Variants in PTPN9 observed in about 807,000 individuals in gnomAD.
The protein encoded by PTPN9 is tyrosine-protein phosphatase non-receptor type 9.
Under a neutral mutation model 69.8 loss-of-function variants are expected in PTPN9, and 26 were observed. The observed-to-expected ratio is 0.37, with a 90% confidence interval of 0.27 to 0.52. The LOEUF (loss-of-function observed/expected upper bound fraction) is 0.52. PTPN9 is among the 20% of genes least tolerant of loss of function. The probability of loss-of-function intolerance (pLI) is 0.91; values close to 1 mark genes in which losing one functional copy is unlikely to be tolerated. For synonymous variants in PTPN9, 274 were observed against 272.5 expected (o/e 1.01, Z -0.05); for missense variants, 549 against 740.3 (o/e 0.74, Z 3.00).
At chr15:75,504,459 C>T (rs1239052590) in intron 7 of PTPN9, among the ~76,000 whole-genome samples, 2 of 129,698 alleles carry the variant, frequency 1.5e-5, no homozygotes, top group African/African-American at 3.0e-5. Flanking sequence ...CCCGGCCAGC[C>T]GCCCGGTCCG....
chr15:75,517,974 T>G (rs912411199), intron 4 of PTPN9, among the ~76,000 whole-genome samples: 4 of 152,172 alleles, frequency 2.6e-5, no homozygotes, highest in African/African-American at 9.6e-5. Flanking sequence ...TGAAAAACTG[T>G]GTAGAACAAA....
At chr15:75,534,517 A>T (rs28513858) in intron 1 of PTPN9, among the ~76,000 whole-genome samples, 1 of 151,938 alleles carries the variant, frequency 6.6e-6, no homozygotes, top group Admixed American at 6.6e-5. Flanking sequence ...CTACAAAAAA[A>T]TTTAAAAATT....
intron 1 of PTPN9, among the ~76,000 whole-genome samples, chr15:75,561,122 C>A (rs2075102489): frequency 6.6e-6 from 1 of 151,942 alleles, no homozygotes; most frequent in East Asian, 1.9e-4. Flanking sequence ...TCAAGACCAG[C>A]CTGACCAACA....
chr15:75,487,027 T>C (rs1046988326), intron 8 of PTPN9, among the ~76,000 whole-genome samples: 1 of 151,858 alleles, frequency 6.6e-6, no homozygotes, highest in Admixed American at 6.6e-5. Flanking sequence ...CCTTGTGATC[T>C]GCCCGCCTCG....
At chr15:75,546,258 G>A (rs2075032277) in intron 1 of PTPN9, among the ~76,000 whole-genome samples, 1 of 152,058 alleles carries the variant, frequency 6.6e-6, no homozygotes, top group Non-Finnish European at 1.5e-5. Context: ...ACAGCTACTG[G>A]GAGACCCCTT....
chr15:75,473,890 T>G (rs924669183), intron 9 of PTPN9, 123 bp from the exon 10 acceptor site: 19 of 711,802 alleles, frequency 2.7e-5, no homozygotes, highest in Non-Finnish European at 4.7e-5. Context: ...CCTGCTCATC[T>G]TTCCACATCC....
intron 8 of PTPN9, chr15:75,480,743 T>A: frequency 1.6e-6 from 2 of 1,274,506 alleles, no homozygotes; most frequent in Admixed American, 4.2e-5. Context: ...GCAGCGGAGC[T>A]GTCTCAGTCT....
At chr15:75,490,778 C>T (rs1468304039) in intron 7 of PTPN9, among the ~76,000 whole-genome samples, 4 of 152,156 alleles carry the variant, frequency 2.6e-5, no homozygotes, top group Non-Finnish European at 4.4e-5. Flanking sequence ...GCTCCCGCCA[C>T]CACGCCCAGC....
At chr15:75,535,448 GCCATC>G (rs2074978946) in intron 1 of PTPN9, among the ~76,000 whole-genome samples, 1 of 152,076 alleles carries the variant, frequency 6.6e-6, no homozygotes, top group Non-Finnish European at 1.5e-5. Flanking sequence ...GATTAACAAT[GCCATC>G]CTAGGCACAA....
At chr15:75,531,584 C>CA (rs1365440111) in intron 1 of PTPN9, among the ~76,000 whole-genome samples, 1 of 144,878 alleles carries the variant, frequency 6.9e-6, no homozygotes, top group Non-Finnish European at 1.5e-5. Flanking sequence ...GTTTTTTCTG[C>CA]TTTTTTTTTT....
At chr15:75,504,858 G>C (rs937879747) in intron 7 of PTPN9, among the ~76,000 whole-genome samples, 1 of 147,674 alleles carries the variant, frequency 6.8e-6, no homozygotes, top group Non-Finnish European at 1.5e-5. Flanking sequence ...GGGGGGGTCT[G>C]GCCAGCCACC....
intron 2 of PTPN9, among the ~76,000 whole-genome samples, chr15:75,526,565 A>G (rs1244056968): frequency 1.3e-5 from 2 of 152,142 alleles, no homozygotes; most frequent in African/African-American, 4.8e-5. Flanking sequence ...GCACAAAACC[A>G]AAGTCTATGC....
chr15:75,549,481 T>C (rs150535594), intron 1 of PTPN9, among the ~76,000 whole-genome samples: 3 of 152,198 alleles, frequency 2.0e-5, no homozygotes, highest in East Asian at 3.9e-4. Context: ...GGATTACAGG[T>C]GTAAGCCACC....
chr15:75,575,010 G>GTTTTTT lies in PTPN9; in HGVS notation c.63+3703_63+3704insAAAAAA. Among the ~76,000 whole-genome samples, 6 of 15,768 alleles carry GTTTTTT rather than the reference G, an allele frequency of 3.8e-4. 2 individuals carry two copies. Among genetic ancestry groups the GTTTTTT allele is most frequent in the Non-Finnish European group, 5.0e-4 (6 of 12,054 alleles). 10.3% of individuals were successfully genotyped at this position (15,768 alleles called of 152,430 possible). ...TTTTTTTTTTTTTTTTTGAGACAGA[G>GTTTTTT]GAGACGGAGTCTCGCTCTGTCGGCG... On this transcript the variant is annotated intron_variant, in intron 1 of 12. Transcript: ENST00000618819.
At chr15:75,470,389 C>T (rs1233321465) in intron 11 of PTPN9, among the ~76,000 whole-genome samples, 1 of 152,238 alleles carries the variant, frequency 6.6e-6, no homozygotes, top group Non-Finnish European at 1.5e-5. Context: ...CTCCTGGGCT[C>T]AAGTGATCCT....
intron 1 of PTPN9, among the ~76,000 whole-genome samples, chr15:75,564,882 T>C (rs1290060329): frequency 6.6e-6 from 1 of 151,706 alleles, no homozygotes; most frequent in East Asian, 1.9e-4. Flanking sequence ...GGCGGGCAGA[T>C]CACGAGGTCA....
intron 10 of PTPN9, 73 bp downstream of exon 10, chr15:75,473,616 C>T (rs1227754764): frequency 7.7e-7 from 1 of 1,292,642 alleles, no homozygotes; most frequent in Admixed American, 1.8e-5. Flanking sequence ...AAAAGCTAAA[C>T]TTCCCTCTTT....
intron 7 of PTPN9, among the ~76,000 whole-genome samples, chr15:75,503,056 A>AC (rs1420064675): frequency 6.6e-6 from 1 of 151,364 alleles, no homozygotes; most frequent in Non-Finnish European, 1.5e-5. Flanking sequence ...CCCGGCCACC[A>AC]CCCCGTCTGG....
chr15:75,473,305 A>C (rs1275652098), intron 10 of PTPN9, among the ~76,000 whole-genome samples: 1 of 151,916 alleles, frequency 6.6e-6, no homozygotes, highest in African/African-American at 2.4e-5. Flanking sequence ...GCTGGAGTGC[A>C]ATGGCGTGAT....
Sources: gnomAD v4.1 joint callset for allele counts (sites outside exome capture counted in the v4.1 genomes callset) on GRCh38, gnomAD v4.1.1 for gene constraint, MANE v1.5 for transcripts, NCBI Gene and HGNC (gene_info 2026-07-23, HGNC 2026-07-21) for gene names.